Variants in GPC5 observed in about 807,000 individuals in gnomAD.
GPC5 encodes the protein glypican-5.
Under a neutral mutation model 53.9 loss-of-function variants are expected in GPC5, and 47 were observed. The observed-to-expected ratio is 0.87, with a 90% CI of 0.69 to 1.11. GPC5 has a LOEUF of 1.11. Ranked by LOEUF, GPC5 falls within the 50% of genes most tolerant of loss-of-function variation. The pLI is 0.00. For synonymous variants in GPC5, 286 were observed against 263.3 expected (o/e 1.09, Z -0.84); for missense variants, 748 against 713.1 (o/e 1.05, Z -0.56).
intron 5 of GPC5, among the ~76,000 whole-genome samples, chr13:91,853,740 T>C (rs967630398): frequency 2.0e-5 from 3 of 152,008 alleles, no homozygotes; most frequent in African/African-American, 7.2e-5. Flanking sequence ...TGTCCTGATA[T>C]CAGCTTAGTC....
intron 6 of GPC5, among the ~76,000 whole-genome samples, chr13:92,031,170 G>T (rs1445198754): frequency 6.6e-6 from 1 of 152,040 alleles, no homozygotes; most frequent in Non-Finnish European, 1.5e-5. Flanking sequence ...GCCTTACTCA[G>T]CCATTGCGCG....
chr13:91,435,631 A>T (rs1331760226), intron 1 of GPC5, among the ~76,000 whole-genome samples: 1 of 152,178 alleles, frequency 6.6e-6, no homozygotes, highest in Non-Finnish European at 1.5e-5. Context: ...CATCAGGGAT[A>T]TTGGTTCTAA....
At chr13:92,354,516 G>T (rs1335431663) in intron 7 of GPC5, among the ~76,000 whole-genome samples, 1 of 152,140 alleles carries the variant, frequency 6.6e-6, no homozygotes, top group East Asian at 1.9e-4. Flanking sequence ...AATTCATCAA[G>T]TATTACAGAG....
intron 7 of GPC5, among the ~76,000 whole-genome samples, chr13:92,569,690 C>T (rs551710419): frequency 6.6e-6 from 1 of 152,234 alleles, no homozygotes; most frequent in African/African-American, 2.4e-5. Context: ...TTCTGTTTTG[C>T]AAGTCTAGTG....
chr13:91,959,695 G>A (rs528292479), intron 6 of GPC5, among the ~76,000 whole-genome samples: 13 of 151,466 alleles, frequency 8.6e-5, no homozygotes, highest in East Asian at 5.8e-4. Flanking sequence ...ATAATATACC[G>A]TGATTTCAAA....
At chr13:92,251,918 CA>C (rs2042695464) in intron 7 of GPC5, among the ~76,000 whole-genome samples, 1 of 152,002 alleles carries the variant, frequency 6.6e-6, no homozygotes, top group Admixed American at 6.6e-5. Context: ...TAACACAGAG[CA>C]AGGATAAATG....
intron 7 of GPC5, among the ~76,000 whole-genome samples, chr13:92,732,311 G>C (rs1180663729): frequency 6.6e-6 from 1 of 151,408 alleles, no homozygotes; most frequent in Non-Finnish European, 1.5e-5. Flanking sequence ...AAATCCCTCA[G>C]AGGCTCAAAC....
At chr13:92,135,069 G>A (rs1456883101) in intron 6 of GPC5, among the ~76,000 whole-genome samples, 2 of 152,004 alleles carry the variant, frequency 1.3e-5, no homozygotes, top group Non-Finnish European at 2.9e-5. Context: ...TTCTCCTGCT[G>A]CAGGGTCATT....
At chr13:91,653,365 AC>A (rs2034764887) in intron 2 of GPC5, among the ~76,000 whole-genome samples, 1 of 152,166 alleles carries the variant, frequency 6.6e-6, no homozygotes, top group Non-Finnish European at 1.5e-5. Flanking sequence ...CAGGATGGTT[AC>A]CAGAGCCTGG....
rs1004032710 is a variant in GPC5, at chr13:91,696,602, G to C, written c.1020+2721G>C. ...TTCTCACATTCCCAAAGAAATCTCT[G>C]AGATCTAGTACTTCCAAGTCTACTC... On this transcript the variant is annotated intron_variant, in intron 3 of 7. Transcript: ENST00000377067. Among the ~76,000 whole-genome samples the C allele has an allele frequency of 2.0e-5, 3 of 152,026 alleles. No homozygotes were observed. The South Asian group carries it at 6.2e-4, about 32-fold the overall frequency.
chr13:92,416,852 AG>A, intron 7 of GPC5, among the ~76,000 whole-genome samples: 1 of 152,354 alleles, frequency 6.6e-6, no homozygotes, highest in East Asian at 1.9e-4. Context: ...GGACATACAA[AG>A]AAATTATACA....
At chr13:91,435,072 T>C (rs1217041662) in intron 1 of GPC5, among the ~76,000 whole-genome samples, 2 of 152,218 alleles carry the variant, frequency 1.3e-5, no homozygotes, top group Non-Finnish European at 2.9e-5. Context: ...GCCTATCAGC[T>C]TAAGGAGATT....
intron 2 of GPC5, among the ~76,000 whole-genome samples, chr13:91,619,608 A>G (rs1383397859): frequency 1.3e-5 from 2 of 152,114 alleles, no homozygotes; most frequent in African/African-American, 4.8e-5. Flanking sequence ...ACATGCCATA[A>G]TTTAACTGGA....
intron 7 of GPC5, among the ~76,000 whole-genome samples, chr13:92,207,261 A>T (rs2042344401): frequency 6.6e-6 from 1 of 152,168 alleles, no homozygotes. Context: ...ATACAGCTCC[A>T]TTCACTTTCC....
chr13:91,432,209 GTGTGT>G (rs1489755460), intron 1 of GPC5, among the ~76,000 whole-genome samples: 38 of 105,700 alleles, frequency 3.6e-4, no homozygotes, highest in South Asian at 5.4e-4. Context: ...GCTGCTGTGT[GTGTGT>G]GTGTGTGTGT....
chr13:91,672,698 G>A (rs915769372), intron 2 of GPC5, among the ~76,000 whole-genome samples: 1 of 152,190 alleles, frequency 6.6e-6, no homozygotes, highest in African/African-American at 2.4e-5. Context: ...TCTAAAACCA[G>A]AAATACCATT....
chr13:91,719,543 C>G (rs1313505478), intron 3 of GPC5, among the ~76,000 whole-genome samples: 1 of 152,202 alleles, frequency 6.6e-6, no homozygotes, highest in Non-Finnish European at 1.5e-5. Flanking sequence ...TCCTACCATT[C>G]CAGCTAACTT....
At chr13:92,074,366 A>G (rs895125698) in intron 6 of GPC5, among the ~76,000 whole-genome samples, 2 of 152,222 alleles carry the variant, frequency 1.3e-5, no homozygotes, top group African/African-American at 4.8e-5. Flanking sequence ...TACAGGAGCC[A>G]TTTGACTTCT....
At chr13:92,501,978 A>G (rs1480634604) in intron 7 of GPC5, among the ~76,000 whole-genome samples, 3 of 152,114 alleles carry the variant, frequency 2.0e-5, no homozygotes, top group African/African-American at 7.2e-5. Flanking sequence ...AGAAAAAGAT[A>G]CTAGAAAGAA....
Sources: allele counts gnomAD v4.1 joint callset (sites outside exome capture counted in the v4.1 genomes callset), GRCh38; gene constraint gnomAD v4.1.1; transcripts MANE v1.5; gene names NCBI Gene and HGNC (gene_info 2026-07-23, HGNC 2026-07-21).